The following NMNAT3 variants were observed in gnomAD, a reference collection of about 807,000 sequenced individuals.
NMNAT3 encodes nicotinamide nucleotide adenylyltransferase 3, also known as nicotinamide/nicotinic acid mononucleotide adenylyltransferase 3.
NMNAT3 carries 21 observed loss-of-function variants against 24.8 expected under a neutral mutation model. The ratio of observed to expected loss-of-function variants is 0.85; its 90% CI spans 0.60 to 1.22. NMNAT3 has a LOEUF of 1.22. NMNAT3 is among the 50% of genes most tolerant of loss of function. NMNAT3 has a pLI of 0.00. For missense variants in NMNAT3, 387 were observed against 436.6 expected (o/e 0.89, Z 1.01); for synonymous variants, 136 against 155.2 (o/e 0.88, Z 0.92).
At chr3:139,662,818 C>G (rs1174223904) in intron 1 of NMNAT3, among the ~76,000 whole-genome samples, 5 of 152,194 alleles carry the variant, frequency 3.3e-5, no homozygotes, top group African/African-American at 1.2e-4. Flanking sequence ...CCATCAGCTA[C>G]TCTCCCTTTG....
At chr3:139,583,443 G>A in intron 3 of NMNAT3, 1 of 1,598,254 alleles carries the variant, frequency 6.3e-7, no homozygotes, top group Admixed American at 1.7e-5. Context: ...CCACTTTGCT[G>A]AGCTTTTTGA....
intron 1 of NMNAT3, among the ~76,000 whole-genome samples, chr3:139,671,646 A>G (rs935632996): frequency 2.6e-5 from 4 of 152,064 alleles, no homozygotes; most frequent in Non-Finnish European, 5.9e-5. Context: ...AAACATTAAG[A>G]CAAGAATGAT....
Position 139,575,255 on chromosome 3 carries a change from CAG to C in NMNAT3, c.576-1577_576-1576del, listed in dbSNP as rs763523122. On this transcript the variant is annotated intron_variant, in intron 5 of 6. Coordinates refer to ENST00000643695, the MANE Select transcript of NMNAT3 (RefSeq NM_001320510.2). ...CTTCTAGATCATCTCAGAGACTCAG[CAG>C]AGTCTTCTTAGAGCCTGGCTGGACT... 4.9e-4 allele frequency among the ~76,000 whole-genome samples: 75 copies of C among 152,262 alleles called. No individual in the cohort carries two copies. The Middle Eastern group carries it at 0.014, about 28-fold the overall frequency.
chr3:139,575,688 T>G, intron 5 of NMNAT3: 1 of 1,022,380 alleles, frequency 9.8e-7, no homozygotes, highest in Non-Finnish European at 1.2e-6. Context: ...TGCCAGGGAC[T>G]TCCACTGCGC....
chr3:139,659,912 G>T (rs1374586628), intron 1 of NMNAT3, among the ~76,000 whole-genome samples: 3 of 152,200 alleles, frequency 2.0e-5, no homozygotes, highest in African/African-American at 7.2e-5. Context: ...AGAAATGCAC[G>T]TTTTTAGATC....
chr3:139,568,591 C>T (rs1314748523), intron 6 of NMNAT3: 2 of 152,186 alleles, frequency 1.3e-5, no homozygotes, highest in Non-Finnish European at 2.9e-5. Context: ...GCCTTCATTT[C>T]ATTATTTACC....
At chr3:139,633,233 T>C (rs915398419) in intron 2 of NMNAT3, among the ~76,000 whole-genome samples, 5 of 151,344 alleles carry the variant, frequency 3.3e-5, no homozygotes, top group Non-Finnish European at 5.9e-5. Flanking sequence ...CAGGCTGGAG[T>C]GCAATGGCAC....
intron 1 of NMNAT3, among the ~76,000 whole-genome samples, chr3:139,660,705 C>T (rs940858101): frequency 2.6e-5 from 4 of 152,138 alleles, no homozygotes; most frequent in Non-Finnish European, 5.9e-5. Context: ...TTGGTAAAGT[C>T]CTTGGAAATA....
At chr3:139,631,338 C>CACTCCAGGGATCCACCAGG (rs1341940412) in intron 2 of NMNAT3, among the ~76,000 whole-genome samples, 3 of 152,160 alleles carry the variant, frequency 2.0e-5, no homozygotes, top group Admixed American at 2.0e-4. Context: ...AAAATGGAAT[C>CACTCCAGGGATCCACCAGG]ACTCCAGGGA....
intron 3 of NMNAT3, among the ~76,000 whole-genome samples, chr3:139,587,663 A>G (rs928004106): frequency 1.3e-5 from 2 of 152,200 alleles, no homozygotes; most frequent in Non-Finnish European, 2.9e-5. Flanking sequence ...ATTTTTTCAC[A>G]ATTCATGGAA....
At chr3:139,582,206 A>AAAG (rs2053661856) in intron 4 of NMNAT3, among the ~76,000 whole-genome samples, 1 of 150,042 alleles carries the variant, frequency 6.7e-6, no homozygotes, top group African/African-American at 2.5e-5. Flanking sequence ...AAAAAAAAAA[A>AAAG]AAAAAAAAGA....
At chr3:139,631,538 T>G (rs1452770819) in intron 2 of NMNAT3, among the ~76,000 whole-genome samples, 1 of 151,816 alleles carries the variant, frequency 6.6e-6, no homozygotes, top group African/African-American at 2.4e-5. Context: ...GGCCAGAGAG[T>G]GATAATTGCA....
At chr3:139,622,771 CAT>C (rs1180513390) in intron 3 of NMNAT3, among the ~76,000 whole-genome samples, 2 of 132,490 alleles carry the variant, frequency 1.5e-5, no homozygotes, top group Admixed American at 8.1e-5. Flanking sequence ...TCATATATAT[CAT>C]ATATATGATA....
intron 1 of NMNAT3, among the ~76,000 whole-genome samples, chr3:139,656,113 T>C (rs79918150): frequency 0.012 from 1,886 of 152,332 alleles, 21 homozygotes; most frequent in Non-Finnish European, 0.019. Flanking sequence ...GCTGCCTTTC[T>C]GCCCTGGTTA....
intron 1 of NMNAT3, among the ~76,000 whole-genome samples, chr3:139,677,465 T>C (rs768856301): frequency 2.0e-5 from 3 of 152,196 alleles, no homozygotes; most frequent in Non-Finnish European, 4.4e-5. Context: ...ACTCTGGTCA[T>C]AGCCAAAGGG....
chr3:139,648,807 C>T (rs1258927826), intron 1 of NMNAT3, among the ~76,000 whole-genome samples: 1 of 152,156 alleles, frequency 6.6e-6, no homozygotes. Context: ...GAGTGACGTA[C>T]TTCTACATAT....
chr3:139,633,169 T>G (rs762562044), intron 2 of NMNAT3, among the ~76,000 whole-genome samples: 2 of 140,526 alleles, frequency 1.4e-5, no homozygotes, highest in Non-Finnish European at 3.1e-5. Context: ...AATACATTTG[T>G]GTTTTTGTTT....
intron 6 of NMNAT3, chr3:139,568,637 T>C (rs1210334675): frequency 6.6e-6 from 1 of 152,244 alleles, no homozygotes; most frequent in Non-Finnish European, 1.5e-5. Flanking sequence ...TCCGTTTCCA[T>C]GTAGCTGAGC....
intron 6 of NMNAT3, among the ~76,000 whole-genome samples, chr3:139,572,467 A>T (rs1225713137): frequency 6.6e-6 from 1 of 152,178 alleles, no homozygotes; most frequent in Admixed American, 6.5e-5. Context: ...TGTAAAGCAA[A>T]TCCTCAGAGT....
Sources: allele counts gnomAD v4.1 joint callset (sites outside exome capture counted in the v4.1 genomes callset), GRCh38; gene constraint gnomAD v4.1.1; transcripts MANE v1.5; gene names NCBI Gene and HGNC (gene_info 2026-07-23, HGNC 2026-07-21).